The following MCC variants were observed in gnomAD, a reference collection of about 807,000 sequenced individuals.
MCC encodes MCC regulator of Wnt signaling pathway.
MCC carries 90 observed loss-of-function variants against 116.2 expected under a neutral mutation model. That is an observed-to-expected ratio of 0.77 (90% CI 0.65 to 0.92). The LOEUF is 0.92. MCC is among the 40% of genes least tolerant of loss of function. The probability of loss-of-function intolerance (pLI) is 0.00; values close to 1 mark genes in which losing one functional copy is unlikely to be tolerated. For missense variants in MCC, 1,516 were observed against 1,312.2 expected, an observed-to-expected ratio of 1.16 and a Z score of -2.40; for synonymous variants, 578 against 510.5, an observed-to-expected ratio of 1.13 and a Z score of -1.78.
intron 3 of MCC, among the ~76,000 whole-genome samples, chr5:113,170,415 C>T (rs573489517): frequency 2.0e-5 from 3 of 152,168 alleles, no homozygotes; most frequent in African/African-American, 7.2e-5. Flanking sequence ...TCTGATAAAC[C>T]ACAACTGCAT....
intron 3 of MCC, among the ~76,000 whole-genome samples, chr5:113,303,910 C>T (rs1042843839): frequency 9.9e-5 from 15 of 152,182 alleles, no homozygotes; most frequent in African/African-American, 3.4e-4. Flanking sequence ...CCGCCTCGGC[C>T]TCCCAAAGTG....
At chr5:113,177,902 A>G (rs1761418473) in intron 3 of MCC, among the ~76,000 whole-genome samples, 1 of 152,254 alleles carries the variant, frequency 6.6e-6, no homozygotes. Flanking sequence ...AATTTAAAAT[A>G]ATGCTGTAAC....
intron 3 of MCC, among the ~76,000 whole-genome samples, chr5:113,186,450 G>A (rs1267330459): frequency 3.3e-5 from 5 of 152,044 alleles, no homozygotes; most frequent in African/African-American, 4.8e-5. Context: ...CTAGAAATGC[G>A]GTCAGCCTCC....
At chr5:113,237,220 T>C (rs1168965253) in intron 3 of MCC, among the ~76,000 whole-genome samples, 1 of 152,216 alleles carries the variant, frequency 6.6e-6, no homozygotes, top group Non-Finnish European at 1.5e-5. Flanking sequence ...AATATTTAAT[T>C]GGTATAAATA....
chr5:113,309,624 A>C (rs1173997105), intron 3 of MCC, among the ~76,000 whole-genome samples: 2 of 152,042 alleles, frequency 1.3e-5, no homozygotes, highest in African/African-American at 4.8e-5. Flanking sequence ...TTACCCACTC[A>C]TCTGTTGATG....
chr5:113,484,121 G>T (rs1772452159), intron 1 of MCC, among the ~76,000 whole-genome samples: 1 of 151,964 alleles, frequency 6.6e-6, no homozygotes, highest in South Asian at 2.1e-4. Context: ...TAACTAGTCG[G>T]CACTAGGCTT....
intron 3 of MCC, among the ~76,000 whole-genome samples, chr5:113,182,387 C>A (rs1440172726): frequency 6.6e-6 from 1 of 152,206 alleles, no homozygotes; most frequent in Non-Finnish European, 1.5e-5. Context: ...AAGTGACTCA[C>A]TCAAAACACA....
At chr5:113,273,776 TAATA>T (rs1313168128) in intron 3 of MCC, among the ~76,000 whole-genome samples, 1 of 151,642 alleles carries the variant, frequency 6.6e-6, no homozygotes, top group Non-Finnish European at 1.5e-5. Flanking sequence ...ATGGTCACAA[TAATA>T]AAGATCAGGA....
At chr5:113,407,384 T>C (rs1769863427) in intron 1 of MCC, among the ~76,000 whole-genome samples, 1 of 152,206 alleles carries the variant, frequency 6.6e-6, no homozygotes, top group Admixed American at 6.5e-5. Flanking sequence ...GGTGAAATCC[T>C]ACCTTTGCTA....
At chr5:113,296,129 G>C (rs1766702676) in intron 3 of MCC, among the ~76,000 whole-genome samples, 1 of 152,180 alleles carries the variant, frequency 6.6e-6, no homozygotes, top group Non-Finnish European at 1.5e-5. Context: ...TGGGTCCCAA[G>C]TCCTTGGGCA....
intron 6 of MCC, among the ~76,000 whole-genome samples, chr5:113,121,152 T>TA (rs1213032529): frequency 1.3e-5 from 2 of 152,218 alleles, no homozygotes; most frequent in East Asian, 3.8e-4. Flanking sequence ...GCCACCACCC[T>TA]AATCTGAGCA....
chr5:113,393,877 C>A (rs1769461203), intron 1 of MCC, among the ~76,000 whole-genome samples: 1 of 152,146 alleles, frequency 6.6e-6, no homozygotes, highest in Non-Finnish European at 1.5e-5. Flanking sequence ...TATCAGAATT[C>A]TTGTCCTTAA....
At position 113,457,115 on chromosome 5, in the gene MCC, C is replaced by G. The variant is rs534452998; in HGVS notation, c.170+31130G>C. 4.6e-5 allele frequency among the ~76,000 whole-genome samples: 7 copies of G among 152,306 alleles called. No individual in the cohort carries two copies. In the South Asian group the frequency reaches 8.3e-4, roughly 18 times the overall value. ...TTCTGGGCTGGCCAAGGCCAGAGCC[C>G]ACTCCCTCAGCTTGCAGGGAGGTGT... is the stretch of plus-strand genomic sequence containing the variant. On this transcript the variant is annotated intron_variant, in intron 1 of 18. Transcript: ENST00000408903.
At chr5:113,031,665 G>A (rs1750963724) in intron 17 of MCC, among the ~76,000 whole-genome samples, 1 of 152,098 alleles carries the variant, frequency 6.6e-6, no homozygotes, top group African/African-American at 2.4e-5. Context: ...ATGCTACCTA[G>A]AGCAGTCAAA....
chr5:113,467,587 C>G (rs965519777), intron 1 of MCC, among the ~76,000 whole-genome samples: 7 of 152,062 alleles, frequency 4.6e-5, no homozygotes, highest in Non-Finnish European at 8.8e-5. Flanking sequence ...GTTACTGTAG[C>G]CTTGTAGTAT....
chr5:113,335,470 T>A (rs1767847888), intron 3 of MCC, among the ~76,000 whole-genome samples: 1 of 151,790 alleles, frequency 6.6e-6, no homozygotes, highest in African/African-American at 2.4e-5. Context: ...CAGGAATTTA[T>A]CTCTGCTGTA....
intron 1 of MCC, among the ~76,000 whole-genome samples, chr5:113,446,506 G>A (rs1258599908): frequency 1.3e-5 from 2 of 152,042 alleles, no homozygotes; most frequent in Admixed American, 6.6e-5. Flanking sequence ...GCTCAACATC[G>A]CTAATCATCA....
At chr5:113,441,110 A>T (rs1580379066) in intron 1 of MCC, among the ~76,000 whole-genome samples, 1 of 152,180 alleles carries the variant, frequency 6.6e-6, no homozygotes, top group Non-Finnish European at 1.5e-5. Flanking sequence ...TGAGGCGGGC[A>T]GATCACTTAA....
chr5:113,223,381 GAAA>G (rs957246559), intron 3 of MCC, among the ~76,000 whole-genome samples: 1 of 152,174 alleles, frequency 6.6e-6, no homozygotes, highest in Middle Eastern at 3.2e-3. Context: ...CCCTAGAGTT[GAAA>G]AGTACCTGTT....
Sources: allele counts gnomAD v4.1 joint callset (sites outside exome capture counted in the v4.1 genomes callset), GRCh38; gene constraint gnomAD v4.1.1; transcripts MANE v1.5; gene names NCBI Gene and HGNC (gene_info 2026-07-23, HGNC 2026-07-21).